The following CFAP69 variants were observed in gnomAD, a reference collection of about 807,000 sequenced individuals.
CFAP69 encodes the protein cilia and flagella associated protein 69.
CFAP69 carries 92 observed loss-of-function variants against 123.0 expected under a neutral mutation model. That is an observed-to-expected ratio of 0.75 (90% CI 0.63 to 0.89). The LOEUF (loss-of-function observed/expected upper bound fraction) is 0.89. Among genes scored for constraint, CFAP69 ranks in the 40% least tolerant of loss-of-function variants. The pLI is 0.00. For synonymous variants in CFAP69, 380 were observed against 364.3 expected (o/e 1.04, Z -0.49); for missense variants, 1,067 against 1,096.9 (o/e 0.97, Z 0.39).
chr7:90,268,463 A>C, intron 6 of CFAP69, 79 bp downstream of exon 6: 2 of 1,050,158 alleles, frequency 1.9e-6, no homozygotes, highest in South Asian at 2.9e-5. Flanking sequence ...TGAATTTGAC[A>C]GACACAGTGG....
chr7:90,299,594 T>C (rs1398489353), intron 16 of CFAP69, among the ~76,000 whole-genome samples: 2 of 152,132 alleles, frequency 1.3e-5, no homozygotes, highest in African/African-American at 4.8e-5. Flanking sequence ...GCAAATCTTT[T>C]TCCAACTCAG....
chr7:90,286,369 T>C lies in CFAP69; in HGVS notation c.1626T>C (p.Ser542=), dbSNP rs1254913765. Residue 542 remains serine, a synonymous_variant, in exon 14 of 23, where the codon TCT becomes TCC. Transcript: ENST00000389297. ...EIQSDILLIL[S]GLCENHIQRK... is the part of the protein sequence containing the mutation. ...AGTCTGATATATTACTTATCCTATC[T>C]GGCCTTTGTGAGAATCACATTCAAA... The C allele has an allele frequency of 1.2e-6, 2 of 1,611,932 alleles. No individual in the cohort carries two copies. Among genetic ancestry groups the C allele is most frequent in the Non-Finnish European group, 8.5e-7 (1 of 1,179,320 alleles).
At chr7:90,275,429 T>A (rs1281084418) in intron 9 of CFAP69, among the ~76,000 whole-genome samples, 1 of 151,928 alleles carries the variant, frequency 6.6e-6, no homozygotes, top group Non-Finnish European at 1.5e-5. Flanking sequence ...TTTAGCATTC[T>A]CTCTCTCTGG....
chr7:90,273,956 A>G (rs1203250307), intron 8 of CFAP69, 31 bp from the exon 9 acceptor site: 9 of 1,507,412 alleles, frequency 6.0e-6, no homozygotes, highest in East Asian at 4.6e-5. Context: ...GTATAACAAT[A>G]TAGTTTTTAA....
chr7:90,283,592 CAATT>C (rs1789810626), intron 13 of CFAP69, among the ~76,000 whole-genome samples: 2 of 152,088 alleles, frequency 1.3e-5, no homozygotes, highest in African/African-American at 2.4e-5. Context: ...TATACGTCAT[CAATT>C]AGACACTTAA....
rs1408940202 is a variant in CFAP69, at chr7:90,245,541, G to T, written c.117G>T (p.Ala39=). ...VVGVVTEDDE[A]QDVFKPMDLN... Reference sequence around the variant, plus strand: ...GGGTGGTGACGGAGGACGATGAGGCGCAGGTATGAGCAGGTGTCTGTGCTT... The same window carrying T: ...GGGTGGTGACGGAGGACGATGAGGCTCAGGTATGAGCAGGTGTCTGTGCTT... The change falls in exon 1 of 23, where the codon GCG becomes GCT. Residue 39 remains alanine (A), a synonymous_variant. Transcript: ENST00000389297. The T allele has an allele frequency of 1.3e-6, 2 of 1,496,102 alleles. No homozygotes were observed. The highest frequency in any genetic ancestry group is 8.9e-7 in the Non-Finnish European group (1 of 1,123,910). The allele number at this position is 1,496,102 out of a possible 1,614,324, so 92.7% of individuals were successfully genotyped here.
intron 12 of CFAP69, among the ~76,000 whole-genome samples, chr7:90,280,756 A>G (rs913683096): frequency 6.6e-6 from 1 of 152,130 alleles, no homozygotes; most frequent in African/African-American, 2.4e-5. Flanking sequence ...TCCTTTTTTA[A>G]AAAGTTTTAT....
At chr7:90,256,418 A>G (rs1198648647) in intron 2 of CFAP69, among the ~76,000 whole-genome samples, 1 of 152,026 alleles carries the variant, frequency 6.6e-6, no homozygotes, top group Non-Finnish European at 1.5e-5. Context: ...TAGGAGAAAT[A>G]CCTAATGTAG....
chr7:90,309,339 A>C lies in CFAP69; in HGVS notation c.2627A>C (p.Gln876Pro). The C allele has an allele frequency of 6.3e-7, 1 of 1,590,302 alleles. No homozygotes were observed. The highest frequency in any genetic ancestry group is 8.6e-7 in the Non-Finnish European group (1 of 1,167,452). The change falls in exon 22 of 23, where the codon CAA (glutamine) becomes CCA (proline). Residue 876 changes from glutamine to proline, a missense_variant. Transcript: ENST00000389297. ...HKRPQNAIFH[Q>P]THIKGLNTTV... ...CGACCACAAAATGCAATATTTCACC[A>C]AACACATATTAAAGGCCTTAACACA...
intron 5 of CFAP69, among the ~76,000 whole-genome samples, chr7:90,266,789 TA>T (rs1204398176): frequency 6.6e-6 from 1 of 152,168 alleles, no homozygotes; most frequent in Non-Finnish European, 1.5e-5. Flanking sequence ...TAATTGTATA[TA>T]AGATGAAATG....
intron 9 of CFAP69, among the ~76,000 whole-genome samples, chr7:90,275,763 G>A (rs971158730): frequency 3.0e-4 from 45 of 151,688 alleles, no homozygotes; most frequent in African/African-American, 1.0e-3. Flanking sequence ...CACCACACCC[G>A]GCTAATTTTT....
At chr7:90,258,014 G>T in intron 2 of CFAP69, 84 bp from the exon 3 acceptor site, 1 of 807,516 alleles carries the variant, frequency 1.2e-6, no homozygotes, top group Non-Finnish European at 2.0e-6. Context: ...TAATTTTAAA[G>T]TGTCTACTTT....
the CFAP69 span, chr7:90,318,364 C>T: frequency 1.7e-4 from 26 of 151,970 alleles, no homozygotes; most frequent in Non-Finnish European, 3.2e-4. Flanking sequence ...TTTATTGTTC[C>T]TTTTTCAAAA....
chr7:90,266,653 A>G lies in CFAP69; in HGVS notation c.433+1276A>G, dbSNP rs180787192. Among the ~76,000 whole-genome samples, 6 of 152,150 alleles carry G rather than the reference A, an allele frequency of 3.9e-5. No homozygotes were observed. In the East Asian group the frequency reaches 1.2e-3, roughly 29 times the overall value. On this transcript the variant is annotated intron_variant, in intron 5 of 22. Coordinates refer to ENST00000389297, the MANE Select transcript of CFAP69 (RefSeq NM_001039706.3). ...TACCCTGCCTGCAGAACATGTTACT[A>G]TCTCATATGACAACAGTATGAACTC...
chr7:90,272,496 G>A (rs1376803217), intron 8 of CFAP69, among the ~76,000 whole-genome samples: 1 of 152,090 alleles, frequency 6.6e-6, no homozygotes, highest in African/African-American at 2.4e-5. Context: ...CATACTAAAT[G>A]TTATGAAACA....
In CFAP69 at chr7:90,299,800, T is replaced by TC. The variant is rs570591827; in HGVS notation, c.1858-67_1858-66insC. Reference sequence around the variant, plus strand: ...TGATAATAGAAGTGTTTCTCTCTTTTTTTTTTGAAGACAATAATTCTTAAT... The same window carrying TC: ...TGATAATAGAAGTGTTTCTCTCTTTTCTTTTTTGAAGACAATAATTCTTAAT... On this transcript the variant is annotated intron_variant, in intron 16 of 22. Transcript: ENST00000389297. 616 of 1,288,090 alleles carry TC rather than the reference T, an allele frequency of 4.8e-4. 2 individuals are homozygous for TC. In the African/African-American group the frequency reaches 8.3e-3, roughly 17 times the overall value. The allele number at this position is 1,288,090 out of a possible 1,614,324, so 79.8% of individuals were successfully genotyped here.
At chr7:90,321,484 A>C in the CFAP69 span, among the ~76,000 whole-genome samples, 1 of 152,040 alleles carries the variant, frequency 6.6e-6, no homozygotes, top group Non-Finnish European at 1.5e-5. Flanking sequence ...CCCTCCTCCG[A>C]CTTTCTTGCT....
Position 90,309,247 on chromosome 7 carries a change from A to C in CFAP69, c.2551-16A>C, listed in dbSNP as rs1794024509. 8.0e-7 allele frequency: 1 copy of C among 1,255,642 alleles called. No homozygotes were observed. The highest frequency in any genetic ancestry group is 1.1e-6 in the Non-Finnish European group (1 of 896,054). 77.8% of individuals were successfully genotyped at this position (1,255,642 alleles called of 1,614,324 possible). On this transcript the variant is annotated splice_polypyrimidine_tract_variant and intron_variant, in intron 21 of 22. Transcript: ENST00000389297. The stretch of plus-strand genomic sequence containing the variant: ...AATAGCAATTAATATTTTCTTTCTA[A>C]TTTAAAAATCCTCAGAAAGCAAAAA...
intron 20 of CFAP69, 41 bp downstream of exon 20, chr7:90,307,139 T>C (rs777346136): frequency 3.0e-5 from 45 of 1,510,820 alleles, no homozygotes; most frequent in South Asian, 4.7e-5. Context: ...TGAAGATAGG[T>C]TGGTTAATGG....
Sources: gnomAD v4.1 joint callset for allele counts (sites outside exome capture counted in the v4.1 genomes callset) on GRCh38, gnomAD v4.1.1 for gene constraint, MANE v1.5 for transcripts, NCBI Gene and HGNC (gene_info 2026-07-23, HGNC 2026-07-21) for gene names.